Variants in CFAP54 observed in about 807,000 individuals in gnomAD.
CFAP54 encodes cilia and flagella associated protein 54.
In CFAP54, 290 loss-of-function variants were observed where a neutral mutation model predicts 370.4. The observed-to-expected ratio is 0.78, with a 90% CI of 0.71 to 0.86. The LOEUF is 0.86. Among genes scored for constraint, CFAP54 ranks in the 40% least tolerant of loss-of-function variants. CFAP54 has a pLI of 0.00. For missense variants in CFAP54, 3,399 were observed against 3,528.7 expected (o/e 0.96, Z 0.93); for synonymous variants, 1,206 against 1,236.5 (o/e 0.98, Z 0.52).
intron 46 of CFAP54, among the ~76,000 whole-genome samples, chr12:96,703,570 C>T (rs920041477): frequency 1.4e-4 from 21 of 151,968 alleles, no homozygotes; most frequent in Admixed American, 6.6e-5. Context: ...AGAGATGCAT[C>T]CTACTAGATA....
At chr12:96,762,947 C>G (rs778081303) in intron 58 of CFAP54, among the ~76,000 whole-genome samples, 1 of 152,042 alleles carries the variant, frequency 6.6e-6, no homozygotes, top group African/African-American at 2.4e-5. Context: ...TTCTTTTTCT[C>G]TGGGAGTCTT....
chr12:96,789,025 T>C (rs1958656291), intron 62 of CFAP54, among the ~76,000 whole-genome samples: 1 of 152,208 alleles, frequency 6.6e-6, no homozygotes, highest in African/African-American at 2.4e-5. Flanking sequence ...ATGAAGTTGA[T>C]ATTATAGGAT....
At chr12:96,531,838 C>T (rs1184724141) in intron 9 of CFAP54, among the ~76,000 whole-genome samples, 4 of 152,216 alleles carry the variant, frequency 2.6e-5, no homozygotes, top group African/African-American at 9.7e-5. Flanking sequence ...GATTCTCCTG[C>T]CTCAGCCTCC....
rs769801645 is a variant in CFAP54, at chr12:96,589,439, G to A, written c.3088G>A (p.Val1030Ile). Residue 1030 changes from valine (V) to isoleucine (I), a missense_variant, in exon 23 of 68, where the codon GTT becomes ATT. Val to Ile is a conservative substitution (Grantham distance 29). Around this residue, in one of 3 missense-constraint regions of CFAP54, gnomAD observed 2,796 missense variants for 2,869.7 expected, o/e 0.97. Transcript: ENST00000524981. ...RMFLTQVAYQ[V>I]GNYELAKKVF... The stretch of plus-strand genomic sequence containing the variant: ...CTTTTTGTTATAGGTTGCCTATCAA[G>A]TTGGTAACTATGAATTGGCTAAGAA... The A allele has an allele frequency of 7.8e-6, 12 of 1,531,746 alleles. No homozygotes were observed. Among genetic ancestry groups the A allele is most frequent in the Non-Finnish European group, 2.6e-6 (3 of 1,143,874 alleles). 94.9% of individuals were successfully genotyped at this position (1,531,746 alleles called of 1,614,324 possible).
At chr12:96,604,335 A>G (rs1251766330) in intron 26 of CFAP54, among the ~76,000 whole-genome samples, 1 of 152,228 alleles carries the variant, frequency 6.6e-6, no homozygotes, top group Non-Finnish European at 1.5e-5. Flanking sequence ...GCTTCGTTCC[A>G]GAGGGGCACC....
chr12:96,650,094 G>T, intron 35 of CFAP54, 22 bp downstream of exon 35: 2 of 1,590,938 alleles, frequency 1.3e-6, no homozygotes, highest in Non-Finnish European at 1.7e-6. Context: ...TTTCTTGTTT[G>T]CAGTGTAGTA....
intron 26 of CFAP54, 77 bp downstream of exon 26, chr12:96,598,844 A>G (rs933243236): frequency 1.5e-5 from 6 of 407,260 alleles, no homozygotes; most frequent in Admixed American, 4.2e-5. Flanking sequence ...TTTAATCACA[A>G]TAAGAACACT....
At chr12:96,714,203 G>A (rs895133709) in intron 48 of CFAP54, among the ~76,000 whole-genome samples, 2 of 152,166 alleles carry the variant, frequency 1.3e-5, no homozygotes, top group African/African-American at 4.8e-5. Context: ...CAGTGGAGTT[G>A]GTGAGAAGTA....
intron 9 of CFAP54, 124 bp from the exon 10 acceptor site, chr12:96,533,668 T>G: frequency 1.3e-6 from 1 of 758,924 alleles, no homozygotes; most frequent in Non-Finnish European, 2.0e-6. Flanking sequence ...TTTCCCCCAC[T>G]AGAACGTAAA....
intron 60 of CFAP54, among the ~76,000 whole-genome samples, chr12:96,777,956 C>T (rs185007980): frequency 6.6e-6 from 1 of 152,312 alleles, no homozygotes; most frequent in Non-Finnish European, 1.5e-5. Flanking sequence ...GCAAGTCTAG[C>T]CACATCTGTA....
chr12:96,650,081 A>G lies in CFAP54; in HGVS notation c.4872+9A>G, dbSNP rs762766726. 2.5e-6 allele frequency: 4 copies of G among 1,599,674 alleles called. No individual in the cohort carries two copies. Among genetic ancestry groups the G allele is most frequent in the South Asian group, 2.3e-5 (2 of 87,674 alleles). ...ACTGCAGGAGAGCAATGGTAATGCA[A>G]TCTTTCTTGTTTGCAGTGTAGTAGA... On this transcript the variant is annotated intron_variant, in intron 35 of 67. Coordinates refer to ENST00000524981, the MANE Select transcript of CFAP54 (RefSeq NM_001306084.2).
chr12:96,610,163 A>C (rs1056270317), intron 26 of CFAP54, among the ~76,000 whole-genome samples: 21 of 152,256 alleles, frequency 1.4e-4, no homozygotes, highest in Admixed American at 9.2e-4. Context: ...TCTACAGAAG[A>C]AATTAATATA....
At chr12:96,708,463 C>A in intron 47 of CFAP54, 145 bp from the exon 48 acceptor site, 1 of 634,982 alleles carries the variant, frequency 1.6e-6, no homozygotes, top group Non-Finnish European at 2.7e-6. Flanking sequence ...ATGTCTCTCT[C>A]AGTAGACCTC....
In CFAP54 at chr12:96,597,645, C is replaced by A. The variant is rs567207860; in HGVS notation, c.3517-1000C>A. 1.5e-4 allele frequency among the ~76,000 whole-genome samples: 22 copies of A among 151,610 alleles called. 1 individual carries two copies. The South Asian group carries it at 4.4e-3, about 30-fold the overall frequency. ...AAACAAACAATGAATTAGAGCTATA[C>A]CTGTAGACTTACAGCATTTCTCACC... On this transcript the variant is annotated intron_variant, in intron 25 of 67. Transcript: ENST00000524981.
chr12:96,674,227 A>C (rs1957178120), intron 39 of CFAP54, among the ~76,000 whole-genome samples: 1 of 152,008 alleles, frequency 6.6e-6, no homozygotes, highest in Admixed American at 6.6e-5. Context: ...AAGCAGCCCA[A>C]ATTTCAGATC....
intron 22 of CFAP54, among the ~76,000 whole-genome samples, chr12:96,585,461 A>T (rs886881677): frequency 7.2e-5 from 11 of 152,146 alleles, no homozygotes; most frequent in African/African-American, 2.7e-4. Context: ...TCTCTGCTTA[A>T]ATCTCACCTT....
In CFAP54 at chr12:96,817,772, C is replaced by T; in HGVS notation, c.8958-3C>T. 1 of 1,450,252 alleles carries T rather than the reference C, an allele frequency of 6.9e-7. No individual in the cohort carries two copies. Among genetic ancestry groups the T allele is most frequent in the Non-Finnish European group, 9.1e-7 (1 of 1,098,292 alleles). The allele number at this position is 1,450,252 out of a possible 1,614,324, so 89.8% of individuals were successfully genotyped here. On this transcript the variant is annotated splice_polypyrimidine_tract_variant and splice_region_variant and intron_variant, in intron 64 of 67. Coordinates refer to ENST00000524981, the MANE Select transcript of CFAP54 (RefSeq NM_001306084.2). ...AAAATACATATATATTTGTTATTTT[C>T]AGGGTTATTGCAATTCATGAGAAAT...
Position 96,776,759 on chromosome 12 carries a change from T to C in CFAP54, c.8282-7958T>C, listed in dbSNP as rs374876957. 2.1e-4 allele frequency among the ~76,000 whole-genome samples: 32 copies of C among 152,356 alleles called. No individual in the cohort carries two copies. The South Asian group carries it at 6.4e-3, about 31-fold the overall frequency. On this transcript the variant is annotated intron_variant, in intron 60 of 67. Transcript: ENST00000524981. ...TCTGTTATATCAAAATACATTAGTC[T>C]GTCTTGCTGTTGAATGACATCTTTT...
intron 55 of CFAP54, among the ~76,000 whole-genome samples, chr12:96,746,004 G>T (rs1958110521): frequency 6.6e-6 from 1 of 152,142 alleles, no homozygotes; most frequent in Non-Finnish European, 1.5e-5. Flanking sequence ...TGCGAGCATG[G>T]TTAATGACTC....
Sources: allele counts gnomAD v4.1 joint callset (sites outside exome capture counted in the v4.1 genomes callset), GRCh38; gene constraint gnomAD v4.1.1; regional missense constraint gnomAD v4.1.1; transcripts MANE v1.5; gene names NCBI Gene and HGNC (gene_info 2026-07-23, HGNC 2026-07-21).